NRXN1: variants seen among roughly 807,000 people sequenced by gnomAD.
The protein encoded by NRXN1 is neurexin 1, also known as neurexin-1.
Under a neutral mutation model 150.9 loss-of-function variants are expected in NRXN1, and 39 were observed. The ratio of observed to expected loss-of-function variants is 0.26; its 90% confidence interval spans 0.20 to 0.34. NRXN1 has a LOEUF of 0.34. Ranked by LOEUF, NRXN1 falls within the 10% of genes least tolerant of loss-of-function variation. NRXN1 has a pLI of 1.00. For missense variants in NRXN1, 1,815 were observed against 1,949.9 expected, an observed-to-expected ratio of 0.93 and a Z score of 1.30; for synonymous variants, 924 against 757.0, an observed-to-expected ratio of 1.22 and a Z score of -3.62.
chr2:50,335,278 T>A (rs2077106262), intron 17 of NRXN1, among the ~76,000 whole-genome samples: 1 of 152,172 alleles, frequency 6.6e-6, no homozygotes, highest in Non-Finnish European at 1.5e-5. Context: ...GAAATGCTTG[T>A]GTTCTGTCTA....
intron 18 of NRXN1, among the ~76,000 whole-genome samples, chr2:50,133,965 C>G (rs1247674826): frequency 6.6e-6 from 1 of 152,154 alleles, no homozygotes; most frequent in Non-Finnish European, 1.5e-5. Context: ...CTGAGACCTT[C>G]TCTAAACCCC....
intron 17 of NRXN1, among the ~76,000 whole-genome samples, chr2:50,454,667 C>CAA (rs2087350370): frequency 1.0e-5 from 1 of 100,286 alleles, no homozygotes; most frequent in Admixed American, 8.6e-5. Context: ...GCAAAGATCA[C>CAA]ACACACACAC....
chr2:50,188,957 G>A (rs777393491), intron 18 of NRXN1, among the ~76,000 whole-genome samples: 3 of 152,156 alleles, frequency 2.0e-5, no homozygotes, highest in Non-Finnish European at 4.4e-5. Context: ...AAGACAGTGT[G>A]GCGATTCCTC....
chr2:50,927,878 T>C (rs1558436248), intron 2 of NRXN1, among the ~76,000 whole-genome samples: 1 of 149,884 alleles, frequency 6.7e-6, no homozygotes, highest in African/African-American at 2.5e-5. Context: ...AAACTACAAT[T>C]AAAAAAAAAG....
intron 21 of NRXN1, among the ~76,000 whole-genome samples, chr2:49,954,872 T>G (rs1674652481): frequency 6.6e-6 from 1 of 152,156 alleles, no homozygotes; most frequent in African/African-American, 2.4e-5. Context: ...TTGGGTACAG[T>G]TTATGTTTTA....
chr2:49,948,449 C>T (rs904528332), intron 21 of NRXN1, among the ~76,000 whole-genome samples: 1 of 151,982 alleles, frequency 6.6e-6, no homozygotes, highest in Non-Finnish European at 1.5e-5. Flanking sequence ...AATGTAATTT[C>T]CCTGGTATAA....
chr2:50,691,628 A>G (rs1219807927), intron 5 of NRXN1, among the ~76,000 whole-genome samples: 2 of 152,228 alleles, frequency 1.3e-5, no homozygotes, highest in Non-Finnish European at 2.9e-5. Context: ...GTGCAGAACA[A>G]TGCTGCATTA....
At chr2:50,419,538 T>C (rs557206624) in intron 17 of NRXN1, among the ~76,000 whole-genome samples, 4 of 152,092 alleles carry the variant, frequency 2.6e-5, no homozygotes. Context: ...TTTTGCATTT[T>C]TGTCCAATTT....
chr2:50,631,765 A>G (rs1682363818), intron 5 of NRXN1, among the ~76,000 whole-genome samples: 1 of 151,924 alleles, frequency 6.6e-6, no homozygotes, highest in Non-Finnish European at 1.5e-5. Flanking sequence ...TCAGTTCTAC[A>G]TATAAAATGA....
chr2:50,561,998 T>C (rs945055853), intron 8 of NRXN1, among the ~76,000 whole-genome samples: 3 of 152,166 alleles, frequency 2.0e-5, no homozygotes, highest in African/African-American at 7.2e-5. Context: ...CATGTCTGCT[T>C]TATCCAAAAA....
intron 18 of NRXN1, among the ~76,000 whole-genome samples, chr2:50,178,703 T>C (rs2152808234): frequency 6.6e-6 from 1 of 152,148 alleles, no homozygotes; most frequent in Non-Finnish European, 1.5e-5. Context: ...TCTATAGAGG[T>C]AAAACACCTC....
intron 2 of NRXN1, among the ~76,000 whole-genome samples, chr2:50,973,408 T>C (rs6545187): frequency 0.42 from 63,711 of 152,018 alleles, 13,738 homozygotes; most frequent in Admixed American, 0.5. Context: ...TATCTATATA[T>C]GGTTCTCATT....
chr2:50,568,451 G>A (rs757901417), intron 8 of NRXN1, among the ~76,000 whole-genome samples: 1 of 151,932 alleles, frequency 6.6e-6, no homozygotes, highest in African/African-American at 2.4e-5. Flanking sequence ...ATAGGAAAAA[G>A]TCTAATAATC....
intron 5 of NRXN1, among the ~76,000 whole-genome samples, chr2:50,874,396 T>C (rs1678252906): frequency 6.6e-6 from 1 of 151,800 alleles, no homozygotes; most frequent in African/African-American, 2.4e-5. Flanking sequence ...TGGGCATTTT[T>C]CCATCTCTTT....
At chr2:50,799,893 AAC>A (rs1178132740) in intron 5 of NRXN1, among the ~76,000 whole-genome samples, 1 of 152,084 alleles carries the variant, frequency 6.6e-6, no homozygotes, top group Non-Finnish European at 1.5e-5. Flanking sequence ...CTCAATTACA[AAC>A]ACACATACAC....
chr2:50,915,661 G>A (rs568165523), intron 5 of NRXN1, among the ~76,000 whole-genome samples: 2 of 151,348 alleles, frequency 1.3e-5, no homozygotes, highest in Non-Finnish European at 1.5e-5. Flanking sequence ...AAATAATAGG[G>A]TATTAATATG....
intron 17 of NRXN1, among the ~76,000 whole-genome samples, chr2:50,443,989 T>G (rs1366737835): frequency 6.6e-6 from 1 of 152,154 alleles, no homozygotes; most frequent in Non-Finnish European, 1.5e-5. Flanking sequence ...TGATTTGAAT[T>G]CTTGGTATTA....
intron 17 of NRXN1, among the ~76,000 whole-genome samples, chr2:50,348,089 G>C (rs1406028000): frequency 6.6e-6 from 1 of 152,204 alleles, no homozygotes; most frequent in Non-Finnish European, 1.5e-5. Context: ...TTAAAAGGGA[G>C]AGAATTCGGG....
At chr2:50,950,842 A>G (rs1413109091) in intron 2 of NRXN1, among the ~76,000 whole-genome samples, 1 of 152,240 alleles carries the variant, frequency 6.6e-6, no homozygotes, top group Non-Finnish European at 1.5e-5. Context: ...AGTTCTAATT[A>G]TCATCTCCAT....
Sources: allele counts gnomAD v4.1 joint callset (sites outside exome capture counted in the v4.1 genomes callset), GRCh38; gene constraint gnomAD v4.1.1; transcripts MANE v1.5; gene names NCBI Gene and HGNC (gene_info 2026-07-23, HGNC 2026-07-21).